Variants in GALNT13 observed in about 807,000 individuals in gnomAD.
GALNT13 encodes the protein polypeptide N-acetylgalactosaminyltransferase 13, also known as UDP-GalNAc:polypeptide N-acetylgalactosaminyltransferase 13.
GALNT13 carries 28 observed loss-of-function variants against 64.2 expected under a neutral mutation model. That is an observed-to-expected ratio of 0.44 (90% CI 0.32 to 0.60). The LOEUF is 0.60. Ranked by LOEUF, GALNT13 falls within the 20% of genes least tolerant of loss-of-function variation. The probability of loss-of-function intolerance (pLI) is 0.05; values close to 1 mark genes in which losing one functional copy is unlikely to be tolerated. For synonymous variants in GALNT13, 214 were observed against 224.6 expected (o/e 0.95, Z 0.42); for missense variants, 577 against 669.8 (o/e 0.86, Z 1.53).
At chr2:153,897,425 ATGT>A (rs1687959261) in intron 1 of GALNT13, among the ~76,000 whole-genome samples, 1 of 152,146 alleles carries the variant, frequency 6.6e-6, no homozygotes, top group African/African-American at 2.4e-5. Flanking sequence ...CACAAAAGTG[ATGT>A]TGTGTTCTTC....
At chr2:154,346,840 T>A (rs1309103934) in intron 9 of GALNT13, among the ~76,000 whole-genome samples, 1 of 152,118 alleles carries the variant, frequency 6.6e-6, no homozygotes, top group Non-Finnish European at 1.5e-5. Context: ...GATTCTCTCC[T>A]AGACCCTGGT....
At chr2:154,184,889 A>G (rs1320624376) in intron 4 of GALNT13, among the ~76,000 whole-genome samples, 1 of 152,142 alleles carries the variant, frequency 6.6e-6, no homozygotes, top group Non-Finnish European at 1.5e-5. Flanking sequence ...AAAGTGATTT[A>G]TATACCACCA....
chr2:153,296,602 A>G, the GALNT13 span, among the ~76,000 whole-genome samples: 1 of 152,180 alleles, frequency 6.6e-6, no homozygotes, highest in African/African-American at 2.4e-5. Flanking sequence ...ATTATACTCA[A>G]GTGGCAGGAT....
the GALNT13 span, among the ~76,000 whole-genome samples, chr2:153,129,775 A>G: frequency 6.7e-6 from 1 of 150,252 alleles, no homozygotes; most frequent in East Asian, 2.0e-4. Flanking sequence ...TCTCAAAAAA[A>G]AAAAGGAACC....
At chr2:154,021,962 T>C (rs1188560095) in intron 3 of GALNT13, among the ~76,000 whole-genome samples, 1 of 152,196 alleles carries the variant, frequency 6.6e-6, no homozygotes, top group Non-Finnish European at 1.5e-5. Flanking sequence ...GAGATAATCA[T>C]GTGGTTTTTG....
chr2:153,434,842 C>G, the GALNT13 span, among the ~76,000 whole-genome samples: 1 of 152,068 alleles, frequency 6.6e-6, no homozygotes, highest in African/African-American at 2.4e-5. Context: ...AATTAGATCC[C>G]ATTTGTCAAT....
chr2:154,298,648 T>TTGTATATATAATTTATATATACAA (rs1559075837), intron 8 of GALNT13, among the ~76,000 whole-genome samples: 1 of 25,190 alleles, frequency 4.0e-5, no homozygotes, highest in African/African-American at 1.6e-4. Flanking sequence ...TATATATACA[T>TTGTATATATAATTTATATATACAA]TGTATATACA....
At chr2:153,559,963 G>C in the GALNT13 span, among the ~76,000 whole-genome samples, 1 of 151,940 alleles carries the variant, frequency 6.6e-6, no homozygotes, top group African/African-American at 2.4e-5. Flanking sequence ...TTTCTTACAG[G>C]TTGTACTATA....
chr2:153,733,368 C>T, the GALNT13 span, among the ~76,000 whole-genome samples: 1 of 152,106 alleles, frequency 6.6e-6, no homozygotes, highest in African/African-American at 2.4e-5. Flanking sequence ...TTCAAGATGG[C>T]AGGGTCTGTA....
At chr2:153,881,192 A>G (rs1686759210) in intron 1 of GALNT13, among the ~76,000 whole-genome samples, 1 of 152,128 alleles carries the variant, frequency 6.6e-6, no homozygotes, top group Admixed American at 6.5e-5. Flanking sequence ...ATGCCGTGTT[A>G]TTTGAGGGGA....
the GALNT13 span, among the ~76,000 whole-genome samples, chr2:153,863,634 A>G: frequency 0.82 from 125,056 of 152,148 alleles, 52,626 homozygotes; most frequent in Non-Finnish European, 0.9. Context: ...ATAGTGAAGT[A>G]TTAGATACTT....
chr2:153,307,818 C>T, the GALNT13 span, among the ~76,000 whole-genome samples: 1 of 151,992 alleles, frequency 6.6e-6, no homozygotes, highest in African/African-American at 2.4e-5. Context: ...AAGATACTGG[C>T]TGTCTATATA....
intron 8 of GALNT13, among the ~76,000 whole-genome samples, chr2:154,269,859 T>A (rs1414588488): frequency 6.9e-6 from 1 of 145,378 alleles, no homozygotes; most frequent in African/African-American, 2.5e-5. Context: ...TAAGAGGCAA[T>A]GAGACAGTGC....
chr2:153,873,481 A>C (rs987198381), intron 1 of GALNT13, among the ~76,000 whole-genome samples: 7 of 152,192 alleles, frequency 4.6e-5, no homozygotes, highest in African/African-American at 1.2e-4. Flanking sequence ...CTGCAGAAGA[A>C]CGGACAGTGA....
intron 3 of GALNT13, among the ~76,000 whole-genome samples, chr2:154,021,781 G>A (rs1377084130): frequency 5.9e-5 from 9 of 151,272 alleles, no homozygotes; most frequent in South Asian, 2.1e-4. Context: ...TCTTGTGCCC[G>A]TTTTCAAAGG....
Position 154,289,105 on chromosome 2 carries a change from C to T in GALNT13, c.976-12304C>T, listed in dbSNP as rs1692451474. Among the ~76,000 whole-genome samples, 3 of 152,230 alleles carry T rather than the reference C, an allele frequency of 2.0e-5. No individual in the cohort carries two copies. The South Asian group carries it at 6.2e-4, about 31-fold the overall frequency. ...AGGCAGAGGTTCCCAAACCTCAATT[C>T]TGGACTTCTTTGCACCCACAAGCCC... On this transcript the variant is annotated intron_variant, in intron 8 of 12. Coordinates refer to ENST00000392825, the MANE Select transcript of GALNT13 (RefSeq NM_052917.4).
chr2:153,298,180 G>C, the GALNT13 span, among the ~76,000 whole-genome samples: 1 of 152,076 alleles, frequency 6.6e-6, no homozygotes, highest in African/African-American at 2.4e-5. Flanking sequence ...TTCTAAATTT[G>C]ATTACTTTTT....
At chr2:154,046,745 A>G (rs1440870122) in intron 3 of GALNT13, among the ~76,000 whole-genome samples, 1 of 152,156 alleles carries the variant, frequency 6.6e-6, no homozygotes, top group African/African-American at 2.4e-5. Flanking sequence ...TAAGAGGAAA[A>G]GACACTGTGG....
chr2:153,965,744 A>G (rs1158058728), intron 3 of GALNT13, among the ~76,000 whole-genome samples: 2 of 151,390 alleles, frequency 1.3e-5, no homozygotes, highest in Non-Finnish European at 2.9e-5. Flanking sequence ...CTTATAATCA[A>G]TGATTTTAAA....
Sources: allele counts gnomAD v4.1 joint callset (sites outside exome capture counted in the v4.1 genomes callset), GRCh38; gene constraint gnomAD v4.1.1; transcripts MANE v1.5; gene names NCBI Gene and HGNC (gene_info 2026-07-23, HGNC 2026-07-21).